The following ANKLE2 variants were observed in gnomAD, a reference collection of about 807,000 sequenced individuals.
ANKLE2 encodes the protein ankyrin repeat and LEM domain-containing protein 2.
ANKLE2 carries 55 observed loss-of-function variants against 84.2 expected under a neutral mutation model. The ratio of observed to expected loss-of-function variants is 0.65; its 90% CI spans 0.53 to 0.82. ANKLE2 has a LOEUF of 0.82. ANKLE2 is among the 40% of genes least tolerant of loss of function. The pLI is 0.00. For missense variants in ANKLE2, 1,238 were observed against 1,201.9 expected (o/e 1.03, Z -0.44); for synonymous variants, 551 against 486.1 (o/e 1.13, Z -1.76).
In ANKLE2 at chr12:132,730,600, G is replaced by T. The variant is rs921217091; in HGVS notation, c.1892-330C>A. On this transcript the variant is annotated intron_variant, in intron 10 of 12. Coordinates refer to ENST00000357997, the MANE Select transcript of ANKLE2 (RefSeq NM_015114.3). ...CACTCTGGGAGGCCATGGCAGGGGG[G>T]TCGCTGGACCCCAGGAGTTCAAGAC... 36 of 322,916 alleles carry T rather than the reference G, an allele frequency of 1.1e-4. 1 individual carries two copies. The East Asian group carries it at 1.6e-3, about 15-fold the overall frequency. The allele number at this position is 322,916 out of a possible 1,614,324, so 20.0% of individuals were successfully genotyped here.
rs1293061092 is a variant in ANKLE2 at position 132,729,955 on chromosome 12, A to C, written c.2207T>G (p.Phe736Cys). The part of the protein sequence containing the change: ...LPPVSDLTVE[F>C]DKLNLQNIGR... ...TATATTTTGCAAATTCAGTTTATCA[A>C]ACTCAACAGTCAAATCCGAGACAGG... is the stretch of plus-strand genomic sequence containing the variant. Residue 736 changes from phenylalanine to cysteine, a missense_variant, in exon 11 of 13, where the codon TTT becomes TGT. By Grantham distance (205) the Phe-to-Cys change is radical. Coordinates refer to ENST00000357997, the MANE Select transcript of ANKLE2 (RefSeq NM_015114.3). 5.6e-6 allele frequency: 9 copies of C among 1,613,432 alleles called. No homozygotes were observed. Among genetic ancestry groups the C allele is most frequent in the Non-Finnish European group, 7.6e-6 (9 of 1,179,912 alleles).
At chr12:132,748,580 G>C (rs966077754) in intron 3 of ANKLE2, among the ~76,000 whole-genome samples, 11 of 152,118 alleles carry the variant, frequency 7.2e-5, no homozygotes. Context: ...AATCTCACTG[G>C]GGGCCCCAGC....
chr12:132,727,947 A>G, intron 12 of ANKLE2, 85 bp downstream of exon 12: 1 of 1,517,682 alleles, frequency 6.6e-7, no homozygotes, highest in Non-Finnish European at 8.8e-7. Context: ...AAAGCCACTG[A>G]TAGGTTCGCA....
At position 132,755,153 on chromosome 12, in the gene ANKLE2, A is replaced by C. The variant is rs776319291; in HGVS notation, c.182-20T>G. ...TTTCACCTAGGCCCAAGACAAAAAA[A>C]TCAAAGAGTCACAAAATACTAACAC... On this transcript the variant is annotated intron_variant, in intron 1 of 12. Transcript: ENST00000357997. 1 of 1,573,300 alleles carries C rather than the reference A, an allele frequency of 6.4e-7. No homozygotes were observed.
Position 132,730,207 on chromosome 12 carries a change from TTTA to T in ANKLE2, c.1952_1954del (p.Ile651del). 6.3e-7 allele frequency: 1 copy of T among 1,597,846 alleles called. No individual in the cohort carries two copies. The highest frequency in any genetic ancestry group is 1.1e-5 in the South Asian group (1 of 90,308). ...ATTTCGAGCTGCATTTTGCCGATTT[TTTA>T]TTTCTTCCAAGCTCATGTCATCTTC... On this transcript the variant is annotated inframe_deletion, in exon 11 of 13. Coordinates refer to ENST00000357997, the MANE Select transcript of ANKLE2 (RefSeq NM_015114.3).
intron 6 of ANKLE2, chr12:132,742,321 T>A (rs1213956573): frequency 6.3e-6 from 1 of 158,138 alleles, no homozygotes; most frequent in South Asian, 1.8e-4. Flanking sequence ...AAGTTTTCTA[T>A]GGCAAGTGGA....
intron 9 of ANKLE2, 23 bp from the exon 10 acceptor site, chr12:132,734,598 A>T: frequency 6.3e-7 from 1 of 1,584,968 alleles, no homozygotes; most frequent in Non-Finnish European, 8.6e-7. Flanking sequence ...AAACACAATT[A>T]ACCAGCTGTG....
In ANKLE2 at chr12:132,748,323, A is replaced by G. The variant is rs1453275908; in HGVS notation, c.856T>C (p.Cys286Arg). 5.6e-6 allele frequency: 9 copies of G among 1,613,838 alleles called. No homozygotes were observed. The highest frequency in any genetic ancestry group is 2.7e-5 in the African/African-American group (2 of 74,922). Reference protein sequence around the residue: ...FSNDRLKDGLCLSESETVNKE... With the variant: ...FSNDRLKDGLRLSESETVNKE... ...TTGACTGTTTCTGATTCCGACAAGCACAAACCATCTGTCAGTAAGAGACAG... is the reference window on the plus strand; with the variant it reads ...TTGACTGTTTCTGATTCCGACAAGCGCAAACCATCTGTCAGTAAGAGACAG... Residue 286 changes from cysteine (C) to arginine (R), a missense_variant, in exon 4 of 13, where the codon TGC becomes CGC. Around this residue, in one of 3 missense-constraint regions of ANKLE2, gnomAD observed 422 missense variants for 394.5 expected, o/e 1.07. Coordinates refer to ENST00000357997, the MANE Select transcript of ANKLE2 (RefSeq NM_015114.3).
At chr12:132,733,173 T>A (rs1278371859) in intron 10 of ANKLE2, among the ~76,000 whole-genome samples, 1 of 107,544 alleles carries the variant, frequency 9.3e-6, no homozygotes, top group African/African-American at 3.8e-5. Flanking sequence ...CGTGTGAAGC[T>A]CTCTGCGTGC....
intron 12 of ANKLE2, 105 bp downstream of exon 12, chr12:132,727,926 CA>C: frequency 6.9e-7 from 1 of 1,448,994 alleles, no homozygotes; most frequent in African/African-American, 1.4e-5. Flanking sequence ...ACGGGCCTGC[CA>C]GCGTTGGGAA....
intron 8 of ANKLE2, among the ~76,000 whole-genome samples, chr12:132,735,974 C>T (rs369425964): frequency 6.6e-6 from 1 of 152,206 alleles, no homozygotes; most frequent in Non-Finnish European, 1.5e-5. Context: ...GTTTTGGAGA[C>T]GGAGTCTCGC....
chr12:132,744,944 T>C (rs1037215622), intron 5 of ANKLE2, among the ~76,000 whole-genome samples: 17 of 152,244 alleles, frequency 1.1e-4, no homozygotes, highest in African/African-American at 4.1e-4. Flanking sequence ...CCTCCCAAAG[T>C]GCTGGGTTTA....
At position 132,750,673 on chromosome 12, in the gene ANKLE2, C is replaced by T. The variant is rs749648215; in HGVS notation, c.817G>A (p.Ala273Thr). The change falls in exon 3 of 13, where the codon GCT becomes ACT. Residue 273 changes from alanine to threonine, a missense_variant. Transcript: ENST00000357997. ...TSLPLSPVKT[A>T]PLFSNDRLKD... Reference sequence around the variant, plus strand: ...AACCTGTCATTGCTAAAGAGTGGAGCTGTTTTCACAGGAGACAGTGGTAAG... The same window carrying T: ...AACCTGTCATTGCTAAAGAGTGGAGTTGTTTTCACAGGAGACAGTGGTAAG... 2 of 1,614,112 alleles carry T rather than the reference C, an allele frequency of 1.2e-6. No homozygotes were observed. Among genetic ancestry groups the T allele is most frequent in the African/African-American group, 2.7e-5 (2 of 74,934 alleles).
rs753596204 is a variant in ANKLE2 at position 132,750,784 on chromosome 12, G to A, written c.706C>T (p.Arg236Ter). Residue 236 changes from arginine (R) to a stop codon, truncating the protein, a stop_gained, in exon 3 of 13, where the codon CGA becomes TGA. Coordinates refer to ENST00000357997, the MANE Select transcript of ANKLE2 (RefSeq NM_015114.3). LOFTEE classifies it high-confidence loss of function. ...TCTCTGGTAGAAAAAGCTTTAAATC[G>A]GGACCCTTTGATCATCTTGACAGCT... is the stretch of plus-strand genomic sequence containing the variant. ...LQAVKMIKGSRFKAFSTREDA... is the reference protein window; with the variant it reads ...LQAVKMIKGS The A allele has an allele frequency of 1.9e-6, 3 of 1,614,100 alleles. No individual in the cohort carries two copies. Among genetic ancestry groups the A allele is most frequent in the Non-Finnish European group, 1.7e-6 (2 of 1,180,030 alleles).
intron 1 of ANKLE2, 120 bp downstream of exon 1, chr12:132,761,498 C>T: frequency 4.5e-6 from 4 of 893,934 alleles, no homozygotes; most frequent in Non-Finnish European, 5.8e-6. Flanking sequence ...CTGGTTTCCC[C>T]GGCCGCCTCG....
At chr12:132,730,435 A>T in intron 10 of ANKLE2, 165 bp from the exon 11 acceptor site, 1 of 510,088 alleles carries the variant, frequency 2.0e-6, no homozygotes, top group Non-Finnish European at 3.2e-6. Context: ...AGCAACAGCA[A>T]CTCTTGCATC....
In ANKLE2 at chr12:132,754,882, G is replaced by C. The variant is rs752920481; in HGVS notation, c.433C>G (p.Pro145Ala). 2 of 1,614,052 alleles carry C rather than the reference G, an allele frequency of 1.2e-6. No individual in the cohort carries two copies. Among genetic ancestry groups the C allele is most frequent in the Non-Finnish European group, 1.7e-6 (2 of 1,180,042 alleles). ...TCAGAAAAACCAGCCTGATCAGTTG[G>C]GTTCCCTTCAGCTGGCTTCAAAATC... is the stretch of plus-strand genomic sequence containing the variant. ...QRILKPAEGN[P>A]TDQAGFSEDR... is the part of the protein sequence containing the mutation. Residue 145 changes from proline to alanine, a missense_variant, in exon 2 of 13, where the codon CCA becomes GCA. Around this residue, in one of 3 missense-constraint regions of ANKLE2, gnomAD observed 422 missense variants for 394.5 expected, o/e 1.07. Transcript: ENST00000357997.
chr12:132,761,779 G>T lies in ANKLE2; in HGVS notation c.20C>A (p.Ala7Glu). 1 of 1,148,300 alleles carries T rather than the reference G, an allele frequency of 8.7e-7. No homozygotes were observed. Among genetic ancestry groups the T allele is most frequent in the African/African-American group, 1.6e-5 (1 of 60,956 alleles). The allele number at this position is 1,148,300 out of a possible 1,614,324, so 71.1% of individuals were successfully genotyped here. Reference protein sequence around the residue: MLWPRLAAAEWAALAWE... With the variant: MLWPRLEAAEWAALAWE... ...GGCCAGCGCCGCCCACTCGGCCGCC[G>T]CCAGCCGCGGCCACAGCATCGCCGC... Residue 7 changes from alanine (A) to glutamate (E), a missense_variant, in exon 1 of 13, where the codon GCG (alanine) becomes GAG (glutamate). Around this residue, in one of 3 missense-constraint regions of ANKLE2, gnomAD observed 422 missense variants for 394.5 expected, o/e 1.07. Coordinates refer to ENST00000357997, the MANE Select transcript of ANKLE2 (RefSeq NM_015114.3).
At chr12:132,748,980 A>C (rs2044299202) in intron 3 of ANKLE2, 1 of 150,576 alleles carries the variant, frequency 6.6e-6, no homozygotes, top group Admixed American at 6.6e-5. Flanking sequence ...AAAGTGTTGT[A>C]ATTACAGGGA....
Sources: gnomAD v4.1 joint callset for allele counts (sites outside exome capture counted in the v4.1 genomes callset) on GRCh38, gnomAD v4.1.1 for gene constraint, gnomAD v4.1.1 regional missense constraint, MANE v1.5 for transcripts, NCBI Gene and HGNC (gene_info 2026-07-23, HGNC 2026-07-21) for gene names.